Variants in CNNM2 observed in about 807,000 individuals in gnomAD.
CNNM2 encodes the protein cyclin and CBS domain divalent metal cation transport mediator 2, also known as metal transporter CNNM2.
Under a neutral mutation model 66.9 loss-of-function variants are expected in CNNM2, and 12 were observed. The ratio of observed to expected loss-of-function variants is 0.18; its 90% CI spans 0.11 to 0.29. The LOEUF (loss-of-function observed/expected upper bound fraction) is 0.29, where lower values mean the gene tolerates loss of function less well. Among genes scored for constraint, CNNM2 ranks in the 10% least tolerant of loss-of-function variants. The pLI, the probability that CNNM2 is intolerant of heterozygous loss-of-function variation, is 1.00. For synonymous variants in CNNM2, 557 were observed against 501.8 expected (o/e 1.11, Z -1.47); for missense variants, 705 against 1,167.7 (o/e 0.60, Z 5.77).
rs33992570 is a variant in CNNM2, at chr10:102,958,459, GTTTTTTTTTTTTT to G, written c.1621+38376_1621+38388del. On this transcript the variant is annotated intron_variant, in intron 1 of 7. Coordinates refer to ENST00000369878, the MANE Select transcript of CNNM2 (RefSeq NM_017649.5). ...GACTTGTTCTGAATTCAAGCAACTT[GTTTTTTTTTTTTT>G]TTTTTTTTTTTTTTTTTGAGATGGA... 1.3e-3 allele frequency among the ~76,000 whole-genome samples: 68 copies of G among 51,748 alleles called. 1 individual carries two copies. In the South Asian group the frequency reaches 0.025, roughly 19 times the overall value. 33.9% of individuals were successfully genotyped at this position (51,748 alleles called of 152,430 possible). A position where few individuals can be genotyped will look rare whatever the true frequency, so the allele number is the denominator to read the frequency against.
At position 103,017,963 on chromosome 10, in the gene CNNM2, C is replaced by CAAAAAAAAAAAAA. The variant is rs59984156; in HGVS notation, c.1622-31738_1622-31726dup. ...TGGGGGACAGAGCAAGAATCTGTCTCAAAAAAAAAAAAAAAAAAGGCAAGC... is the reference window on the plus strand; with the variant it reads ...TGGGGGACAGAGCAAGAATCTGTCTCAAAAAAAAAAAAAAAAAAAAAAAAAAAAAAAGGCAAGC... On this transcript the variant is annotated intron_variant, in intron 1 of 7. Coordinates refer to ENST00000369878, the MANE Select transcript of CNNM2 (RefSeq NM_017649.5). Among the ~76,000 whole-genome samples, 218 of 78,734 alleles carry CAAAAAAAAAAAAA rather than the reference C, an allele frequency of 2.8e-3. 15 individuals carry two copies. Among genetic ancestry groups the CAAAAAAAAAAAAA allele is most frequent in the African/African-American group, 6.1e-3 (102 of 16,840 alleles). The allele number at this position is 78,734 out of a possible 152,430, so 51.7% of individuals were successfully genotyped here. A position where few individuals can be genotyped will look rare whatever the true frequency, so the allele number is the denominator to read the frequency against.
At chr10:102,971,909 A>G (rs1037431743) in intron 1 of CNNM2, among the ~76,000 whole-genome samples, 7 of 151,932 alleles carry the variant, frequency 4.6e-5, no homozygotes, top group South Asian at 4.1e-4. Flanking sequence ...CATTTTCCTT[A>G]TTTTAGCCAC....
At chr10:103,011,526 G>C (rs890336704) in intron 1 of CNNM2, among the ~76,000 whole-genome samples, 1 of 152,078 alleles carries the variant, frequency 6.6e-6, no homozygotes. Flanking sequence ...TATAAAAAAT[G>C]CTTCAAGAAT....
intron 1 of CNNM2, among the ~76,000 whole-genome samples, chr10:102,972,972 CT>C (rs2063568862): frequency 6.6e-6 from 1 of 152,204 alleles, no homozygotes; most frequent in African/African-American, 2.4e-5. Flanking sequence ...GAAAGATGCA[CT>C]TTTTTTCCCC....
In CNNM2 at chr10:102,927,097, G is replaced by A. The variant is rs140079182; in HGVS notation, c.1621+6996G>A. On this transcript the variant is annotated intron_variant, in intron 1 of 7. Coordinates refer to ENST00000369878, the MANE Select transcript of CNNM2 (RefSeq NM_017649.5). ...CCCAGCCTTACATAAACTTTTAAGA[G>A]CAAACCTGTAGAGTGTAATTAGATG... 4.5e-3 allele frequency among the ~76,000 whole-genome samples: 685 copies of A among 151,496 alleles called. 1 individual carries two copies. Among genetic ancestry groups the A allele is most frequent in the Middle Eastern group, 6.8e-3 (2 of 292 alleles).
intron 1 of CNNM2, among the ~76,000 whole-genome samples, chr10:103,042,635 G>T (rs1347127606): frequency 2.6e-5 from 4 of 152,166 alleles, no homozygotes; most frequent in African/African-American, 7.2e-5. Context: ...ATGAATTTGT[G>T]TGACTATAGT....
chr10:102,975,734 T>C (rs1264653723), intron 1 of CNNM2, among the ~76,000 whole-genome samples: 1 of 152,152 alleles, frequency 6.6e-6, no homozygotes, highest in African/African-American at 2.4e-5. Flanking sequence ...CTCCTTCCAA[T>C]TGTAAAATTC....
At chr10:103,000,055 G>T (rs1037734175) in intron 1 of CNNM2, among the ~76,000 whole-genome samples, 1 of 152,070 alleles carries the variant, frequency 6.6e-6, no homozygotes, top group Non-Finnish European at 1.5e-5. Flanking sequence ...GGCCAATGTT[G>T]TGAAACTCCA....
chr10:103,022,853 A>G (rs2064614044), intron 1 of CNNM2, among the ~76,000 whole-genome samples: 1 of 152,166 alleles, frequency 6.6e-6, no homozygotes, highest in African/African-American at 2.4e-5. Context: ...GGGGGAGCAG[A>G]TGTATCACAT....
rs2297787 is a variant in CNNM2 at position 102,920,380 on chromosome 10, T to A, written c.1621+279T>A. ...TTCTGTGCATGACACTTATTTATTT[T>A]TTTTTTTTTGGTCCCGTGTGTGGGC... On this transcript the variant is annotated intron_variant, in intron 1 of 7. Transcript: ENST00000369878. Among the ~76,000 whole-genome samples, 26,423 of 151,932 alleles carry A rather than the reference T, an allele frequency of 0.17. 3,097 individuals are homozygous for A. The highest frequency in any genetic ancestry group is 0.32 in the African/African-American group (13,346 of 41,354).
At chr10:103,018,686 C>CTTTTTTTTTTTTTTT (rs370000130) in intron 1 of CNNM2, among the ~76,000 whole-genome samples, 4 of 116,294 alleles carry the variant, frequency 3.4e-5, no homozygotes, top group East Asian at 2.4e-4. Context: ...CTCTTCTTTC[C>CTTTTTTTTTTTTTTT]TTTTTTTTTT....
In CNNM2 at chr10:102,992,273, C is replaced by CTTTTTTTTTTTTTTTTTTT. The variant is rs35281835; in HGVS notation, c.1622-57416_1622-57415insTTTTTTTTTTTTTTTTTTT. ...TTTACTGGGAGCAAGCTCCAAGTTC[C>CTTTTTTTTTTTTTTTTTTT]TTTTTTTTTTTTTTTTTTGAGATGC... On this transcript the variant is annotated intron_variant, in intron 1 of 7. Transcript: ENST00000369878. 4.1e-4 allele frequency among the ~76,000 whole-genome samples: 45 copies of CTTTTTTTTTTTTTTTTTTT among 108,466 alleles called. 4 individuals carry two copies. The highest frequency in any genetic ancestry group is 1.5e-3 in the East Asian group (5 of 3,248). The allele number at this position is 108,466 out of a possible 152,430, so 71.2% of individuals were successfully genotyped here.
intron 1 of CNNM2, among the ~76,000 whole-genome samples, chr10:102,943,129 G>T (rs1033236279): frequency 6.6e-6 from 1 of 152,190 alleles, no homozygotes; most frequent in African/African-American, 2.4e-5. Context: ...GGAGGCTGAG[G>T]CAGGAGAATT....
At chr10:103,004,553 G>A (rs1283598891) in intron 1 of CNNM2, among the ~76,000 whole-genome samples, 4 of 152,210 alleles carry the variant, frequency 2.6e-5, no homozygotes, top group Admixed American at 2.6e-4. Context: ...TGCTTCAGTA[G>A]TTCAAGGGTA....
At chr10:102,991,468 G>A (rs1204488355) in intron 1 of CNNM2, among the ~76,000 whole-genome samples, 2 of 152,122 alleles carry the variant, frequency 1.3e-5, no homozygotes, top group African/African-American at 2.4e-5. Context: ...TAAGATTACA[G>A]TATCTGATCT....
chr10:102,991,128 A>T (rs2063890857), intron 1 of CNNM2, among the ~76,000 whole-genome samples: 1 of 152,148 alleles, frequency 6.6e-6, no homozygotes, highest in African/African-American at 2.4e-5. Flanking sequence ...CTGGGATTAC[A>T]GGCGTGTGCC....
At chr10:102,995,154 C>CCCTTT (rs2063968102) in intron 1 of CNNM2, among the ~76,000 whole-genome samples, 3 of 110,378 alleles carry the variant, frequency 2.7e-5, no homozygotes, top group South Asian at 3.0e-4. Context: ...TCCTCCTCCC[C>CCCTTT]CTCTTCCTCC....
In CNNM2 at chr10:102,919,521, C is replaced by G; in HGVS notation, c.1041C>G (p.Val347=). 6.2e-7 allele frequency: 1 copy of G among 1,613,180 alleles called. No individual in the cohort carries two copies. The highest frequency in any genetic ancestry group is 8.5e-7 in the Non-Finnish European group (1 of 1,180,044). ...IAGSGLVAVV[V]STIGIVIFGE... The stretch of plus-strand genomic sequence containing the variant: ...GCTCGGGCCTCGTGGCCGTGGTAGT[C>G]TCCACCATCGGTATCGTCATCTTCG... The change falls in exon 1 of 8, where the codon GTC becomes GTG. Residue 347 remains valine, a synonymous_variant. Coordinates refer to ENST00000369878, the MANE Select transcript of CNNM2 (RefSeq NM_017649.5).
chr10:103,053,123 T>TA (rs1308432347), intron 2 of CNNM2, among the ~76,000 whole-genome samples: 2 of 152,256 alleles, frequency 1.3e-5, no homozygotes, highest in Non-Finnish European at 2.9e-5. Flanking sequence ...TTGCAGGAGT[T>TA]ACCTTCCAGG....
Sources: allele counts gnomAD v4.1 joint callset (sites outside exome capture counted in the v4.1 genomes callset), GRCh38; gene constraint gnomAD v4.1.1; transcripts MANE v1.5; gene names NCBI Gene and HGNC (gene_info 2026-07-23, HGNC 2026-07-21).